ST6GALNAC3: variants seen among roughly 807,000 people sequenced by gnomAD.
ST6GALNAC3 encodes the protein alpha-N-acetylgalactosaminide alpha-2,6-sialyltransferase 3.
ST6GALNAC3 carries 25 observed loss-of-function variants against 32.7 expected under a neutral mutation model. That is an observed-to-expected ratio of 0.76 (90% CI 0.56 to 1.07). ST6GALNAC3 has a LOEUF of 1.07. Ranked by LOEUF, ST6GALNAC3 falls within the 50% of genes least tolerant of loss-of-function variation. ST6GALNAC3 has a pLI of 0.00. For missense variants in ST6GALNAC3, 355 were observed against 382.4 expected (o/e 0.93, Z 0.60); for synonymous variants, 129 against 133.1 (o/e 0.97, Z 0.21).
chr1:76,343,998 G>A (rs1374163996), intron 2 of ST6GALNAC3, among the ~76,000 whole-genome samples: 1 of 152,218 alleles, frequency 6.6e-6, no homozygotes, highest in Non-Finnish European at 1.5e-5. Flanking sequence ...GGGGCAAGTA[G>A]GGCAAGGCCC....
intron 1 of ST6GALNAC3, among the ~76,000 whole-genome samples, chr1:76,258,103 A>G (rs1570603706): frequency 6.6e-6 from 1 of 152,194 alleles, no homozygotes; most frequent in East Asian, 1.9e-4. Flanking sequence ...TCAGGTTTCA[A>G]TACTCTAACA....
At chr1:76,396,963 G>A (rs2209458) in intron 2 of ST6GALNAC3, among the ~76,000 whole-genome samples, 53,343 of 152,002 alleles carry the variant, frequency 0.35, 10,128 homozygotes, top group Middle Eastern at 0.44. Context: ...CACAGTTATA[G>A]GGACGAAGCA....
intron 3 of ST6GALNAC3, among the ~76,000 whole-genome samples, chr1:76,608,032 T>C (rs2100655948): frequency 6.6e-6 from 1 of 152,342 alleles, no homozygotes; most frequent in South Asian, 2.1e-4. Flanking sequence ...TTCATAGGCC[T>C]GTGACAGACT....
chr1:76,262,786 T>A (rs530800764), intron 1 of ST6GALNAC3, among the ~76,000 whole-genome samples: 1 of 152,304 alleles, frequency 6.6e-6, no homozygotes, highest in African/African-American at 2.4e-5. Context: ...TCAGGATGGA[T>A]CTGTCCCTGG....
chr1:76,527,894 C>T (rs1450076303), intron 3 of ST6GALNAC3, among the ~76,000 whole-genome samples: 3 of 152,042 alleles, frequency 2.0e-5, no homozygotes, highest in Non-Finnish European at 4.4e-5. Flanking sequence ...AGGGTATCAG[C>T]AGAAAAATAA....
intron 3 of ST6GALNAC3, among the ~76,000 whole-genome samples, chr1:76,626,665 C>G (rs1227078132): frequency 6.6e-6 from 1 of 151,880 alleles, no homozygotes; most frequent in East Asian, 1.9e-4. Flanking sequence ...CTTCTTCCTC[C>G]TTGACCCTCC....
chr1:76,086,099 T>C (rs1646960985), intron 1 of ST6GALNAC3, among the ~76,000 whole-genome samples: 1 of 152,226 alleles, frequency 6.6e-6, no homozygotes, highest in African/African-American at 2.4e-5. Context: ...TGATTATTTC[T>C]AAACCAAGGA....
chr1:76,506,114 T>C (rs1661464409), intron 3 of ST6GALNAC3, among the ~76,000 whole-genome samples: 1 of 152,216 alleles, frequency 6.6e-6, no homozygotes, highest in African/African-American at 2.4e-5. Context: ...GAGATCATGA[T>C]AGTCAGTCGC....
At chr1:76,483,227 C>T (rs573503205) in intron 3 of ST6GALNAC3, among the ~76,000 whole-genome samples, 6 of 152,106 alleles carry the variant, frequency 3.9e-5, no homozygotes, top group South Asian at 2.1e-4. Flanking sequence ...TGTAATCCTT[C>T]GGGTATATAC....
intron 3 of ST6GALNAC3, among the ~76,000 whole-genome samples, chr1:76,521,034 A>G (rs1275628327): frequency 6.6e-6 from 1 of 151,906 alleles, no homozygotes; most frequent in Non-Finnish European, 1.5e-5. Flanking sequence ...TTGTCATTCA[A>G]TAGTTTATTA....
intron 1 of ST6GALNAC3, among the ~76,000 whole-genome samples, chr1:76,155,529 G>T (rs769590496): frequency 5.3e-4 from 80 of 151,824 alleles, no homozygotes; most frequent in Non-Finnish European, 1.0e-3. Flanking sequence ...GTGCGGTGGC[G>T]CAATCTCGGC....
Position 76,560,807 on chromosome 1 carries a change from G to A in ST6GALNAC3, c.624-66645G>A, listed in dbSNP as rs551434716. ...TTGAAAAACTAAATATAGAGTTACT[G>A]TATGATCCAGCAATCCCACCGCTGG... On this transcript the variant is annotated intron_variant, in intron 3 of 4. Transcript: ENST00000328299. Among the ~76,000 whole-genome samples the A allele has an allele frequency of 5.3e-5, 8 of 152,230 alleles. No individual in the cohort carries two copies. The South Asian group carries it at 1.7e-3, about 32-fold the overall frequency.
chr1:76,220,041 T>C (rs1486302341), intron 1 of ST6GALNAC3, among the ~76,000 whole-genome samples: 1 of 152,198 alleles, frequency 6.6e-6, no homozygotes, highest in African/African-American at 2.4e-5. Context: ...TGAAAATGTG[T>C]AATGGCAAAC....
chr1:76,085,039 C>T (rs1557599989), intron 1 of ST6GALNAC3, among the ~76,000 whole-genome samples: 1 of 152,110 alleles, frequency 6.6e-6, no homozygotes, highest in African/African-American at 2.4e-5. Flanking sequence ...ACAAGCCCGG[C>T]TTGCTGCCTA....
chr1:76,322,760 C>CA (rs1646993671), intron 2 of ST6GALNAC3, among the ~76,000 whole-genome samples: 1 of 151,874 alleles, frequency 6.6e-6, no homozygotes, highest in South Asian at 2.1e-4. Context: ...CCCACCCCCC[C>CA]ACAAGTTTGG....
At chr1:76,214,660 G>T (rs1655357346) in intron 1 of ST6GALNAC3, among the ~76,000 whole-genome samples, 1 of 152,180 alleles carries the variant, frequency 6.6e-6, no homozygotes. Context: ...AATATTTGCA[G>T]TTCTTGCACA....
intron 2 of ST6GALNAC3, among the ~76,000 whole-genome samples, chr1:76,389,770 G>A (rs1299819425): frequency 6.6e-6 from 1 of 152,104 alleles, no homozygotes; most frequent in Non-Finnish European, 1.5e-5. Context: ...GAATATTTTT[G>A]TGTTGGACAC....
intron 2 of ST6GALNAC3, among the ~76,000 whole-genome samples, chr1:76,315,426 A>C (rs558591802): frequency 6.6e-6 from 1 of 152,264 alleles, no homozygotes; most frequent in South Asian, 2.1e-4. Flanking sequence ...AGACCCTTTC[A>C]TTTCTTTAAA....
rs1347954060 is a variant in ST6GALNAC3 at position 76,632,579 on chromosome 1, G to A, written c.*3773G>A. 1 of 152,144 alleles carries A rather than the reference G, an allele frequency of 6.6e-6. No homozygotes were observed. Among genetic ancestry groups the A allele is most frequent in the Non-Finnish European group, 1.5e-5 (1 of 68,022 alleles). The allele number at this position is 152,144 out of a possible 1,614,324, so 9.4% of individuals were successfully genotyped here. A position where few individuals can be genotyped will look rare whatever the true frequency, so the allele number is the denominator to read the frequency against. On this transcript the variant is annotated 3_prime_UTR_variant, in exon 5 of 5. Transcript: ENST00000328299. ...AAAAGGAAAATTATACAAGGAGATT[G>A]CTCTTGGAGGATTTGGTATGAATCA...
Sources: gnomAD v4.1 joint callset for allele counts (sites outside exome capture counted in the v4.1 genomes callset) on GRCh38, gnomAD v4.1.1 for gene constraint, MANE v1.5 for transcripts, NCBI Gene and HGNC (gene_info 2026-07-23, HGNC 2026-07-21) for gene names.